ADCY5: variants seen among roughly 807,000 people sequenced by gnomAD.
The protein encoded by ADCY5 is adenylate cyclase type 5.
ADCY5 carries 30 observed loss-of-function variants against 119.7 expected under a neutral mutation model. The observed-to-expected ratio is 0.25, with a 90% CI of 0.19 to 0.34. ADCY5 has a LOEUF of 0.34. Among genes scored for constraint, ADCY5 ranks in the 10% least tolerant of loss-of-function variants. The pLI, the probability that ADCY5 is intolerant of heterozygous loss-of-function variation, is 1.00. For missense variants in ADCY5, 1,324 were observed against 1,775.2 expected, an observed-to-expected ratio of 0.75 and a Z score of 4.57; for synonymous variants, 753 against 762.2, an observed-to-expected ratio of 0.99 and a Z score of 0.20.
rs1367006643 is a variant in ADCY5, at chr3:123,410,946, T to A, written c.1134+36466A>T. The stretch of plus-strand genomic sequence containing the variant: ...TACAGACGTGAGCCATCTCACCCCA[T>A]CCTTATTCAAACTACTTAAATAGCT... On this transcript the variant is annotated intron_variant, in intron 1 of 20. Transcript: ENST00000462833. 2.0e-5 allele frequency among the ~76,000 whole-genome samples: 3 copies of A among 152,072 alleles called. No homozygotes were observed. The East Asian group carries it at 5.8e-4, about 29-fold the overall frequency.
At chr3:123,368,019 GC>G (rs1264012396) in intron 1 of ADCY5, 1 of 1,490,814 alleles carries the variant, frequency 6.7e-7, no homozygotes, top group Non-Finnish European at 8.9e-7. Flanking sequence ...GGGCACCTCA[GC>G]AGGGATCCAG....
chr3:123,426,299 G>GGTTT (rs1553748961), intron 1 of ADCY5, among the ~76,000 whole-genome samples: 1 of 97,950 alleles, frequency 1.0e-5, no homozygotes, highest in African/African-American at 3.4e-5. Context: ...TTTCTTTTGT[G>GGTTT]TTTTTTTTTT....
intron 1 of ADCY5, among the ~76,000 whole-genome samples, chr3:123,381,720 T>C (rs2107559498): frequency 6.6e-6 from 1 of 152,382 alleles, no homozygotes; most frequent in Middle Eastern, 3.4e-3. Context: ...CATCTCCCGC[T>C]GGCTTCCATC....
intron 1 of ADCY5, among the ~76,000 whole-genome samples, chr3:123,420,697 T>C (rs921453046): frequency 2.0e-4 from 30 of 152,332 alleles, no homozygotes; most frequent in African/African-American, 7.2e-4. Flanking sequence ...TGAGGGGCAG[T>C]GGCCACACCA....
chr3:123,346,626 TC>T (rs1942574710), intron 3 of ADCY5, among the ~76,000 whole-genome samples: 9 of 150,730 alleles, frequency 6.0e-5, no homozygotes, highest in Non-Finnish European at 1.2e-4. Flanking sequence ...TCTCTCTCTC[TC>T]TCTCTCTCTC....
At chr3:123,418,160 C>A (rs1014065427) in intron 1 of ADCY5, among the ~76,000 whole-genome samples, 4 of 152,220 alleles carry the variant, frequency 2.6e-5, no homozygotes, top group African/African-American at 9.6e-5. Flanking sequence ...ACAGATCCCA[C>A]CTTACCACCT....
chr3:123,353,861 TG>T (rs1330844922), intron 1 of ADCY5, among the ~76,000 whole-genome samples: 1 of 152,224 alleles, frequency 6.6e-6, no homozygotes, highest in African/African-American at 2.4e-5. Context: ...TTGCTGAATG[TG>T]GTACCATCTT....
chr3:123,318,085 G>A lies in ADCY5; in HGVS notation c.2289C>T (p.Ala763=). 3.1e-6 allele frequency: 5 copies of A among 1,613,884 alleles called. No homozygotes were observed. Among genetic ancestry groups the A allele is most frequent in the African/African-American group, 1.3e-5 (1 of 75,026 alleles). The change falls in exon 11 of 21, where the codon GCC becomes GCT. Residue 763 remains alanine (A), a synonymous_variant. Transcript: ENST00000462833. The part of the protein sequence containing the change: ...YSKQVDDRFG[A]YVACASLVFL... ...AGACGAGCGAGGCACACGCCACATA[G>A]GCACCAAATCGGTCGTCTACCTGCT...
chr3:123,350,776 C>T (rs1482055757), intron 2 of ADCY5, among the ~76,000 whole-genome samples: 1 of 152,182 alleles, frequency 6.6e-6, no homozygotes, highest in Non-Finnish European at 1.5e-5. Flanking sequence ...GGTGGAATGC[C>T]CAGACTGGCC....
chr3:123,284,617 C>CG lies in ADCY5; in HGVS notation c.3776dup (p.Leu1260AlafsTer87), dbSNP rs1559773511. ...CATTGGCCAACAGCTGCTAACTGAGCGGGGGCCCTCCATTGAGGAAGTAGG... is the reference window on the plus strand; with the variant it reads ...CATTGGCCAACAGCTGCTAACTGAGCGGGGGGCCCTCCATTGAGGAAGTAGG... On this transcript the variant is annotated frameshift_variant, in exon 21 of 21. Transcript: ENST00000462833. LOFTEE classifies it high-confidence loss of function. The CG allele has an allele frequency of 5.6e-6, 9 of 1,614,092 alleles. No homozygotes were observed. Among genetic ancestry groups the CG allele is most frequent in the African/African-American group, 2.7e-5 (2 of 74,948 alleles).
At chr3:123,362,940 G>A (rs535283869) in intron 1 of ADCY5, among the ~76,000 whole-genome samples, 6 of 151,696 alleles carry the variant, frequency 4.0e-5, no homozygotes, top group African/African-American at 9.7e-5. Context: ...TCAGGAGTTC[G>A]AGACCAGCCT....
Position 123,448,020 on chromosome 3 carries a change from C to A in ADCY5, c.526G>T (p.Gly176Cys). Reference protein sequence around the residue: ...KGRAADELEAGAVEGGEGSGD... With the variant: ...KGRAADELEACAVEGGEGSGD... ...GACCCCTCGCCGCCCTCGACGGCGC[C>A]GGCCTCCAGCTCGTCGGCCGCGCGC... The change falls in exon 1 of 21, where the codon GGC (glycine) becomes TGC (cysteine). Residue 176 changes from glycine (G) to cysteine (C), a missense_variant. Coordinates refer to ENST00000462833, the MANE Select transcript of ADCY5 (RefSeq NM_183357.3). 7.9e-7 allele frequency: 1 copy of A among 1,270,998 alleles called. No homozygotes were observed. The highest frequency in any genetic ancestry group is 1.6e-5 in the African/African-American group (1 of 63,912). The allele number at this position is 1,270,998 out of a possible 1,614,324, so 78.7% of individuals were successfully genotyped here.
chr3:123,430,209 A>C (rs532683740), intron 1 of ADCY5, among the ~76,000 whole-genome samples: 2 of 152,326 alleles, frequency 1.3e-5, no homozygotes, highest in South Asian at 4.1e-4. Flanking sequence ...TCCCAGACTG[A>C]GGGTGATTTC....
chr3:123,355,279 C>A (rs951066573), intron 1 of ADCY5, among the ~76,000 whole-genome samples: 1 of 152,148 alleles, frequency 6.6e-6, no homozygotes, highest in Non-Finnish European at 1.5e-5. Flanking sequence ...GATCAATATA[C>A]AAAAAGCAAC....
Position 123,368,023 on chromosome 3 carries a change from G to A in ADCY5, c.1135-15442C>T, listed in dbSNP as rs1943510476. Reference sequence around the variant, plus strand: ...GAGGGGACCATGGGCACCTCAGCAGGGATCCAGGGGCCCCAGAGATTGCCT... The same window carrying A: ...GAGGGGACCATGGGCACCTCAGCAGAGATCCAGGGGCCCCAGAGATTGCCT... On this transcript the variant is annotated intron_variant, in intron 1 of 20. Transcript: ENST00000462833. 4.0e-5 allele frequency: 60 copies of A among 1,482,478 alleles called. No individual in the cohort carries two copies. The South Asian group carries it at 7.7e-4, about 19-fold the overall frequency. The allele number at this position is 1,482,478 out of a possible 1,614,324, so 91.8% of individuals were successfully genotyped here. A position where few individuals can be genotyped will look rare whatever the true frequency, so the allele number is the denominator to read the frequency against.
chr3:123,307,529 G>C (rs138293194), intron 12 of ADCY5, among the ~76,000 whole-genome samples: 27 of 152,262 alleles, frequency 1.8e-4, no homozygotes, highest in African/African-American at 6.3e-4. Context: ...GGAATTTTTG[G>C]TTTCACAGCT....
At position 123,448,005 on chromosome 3, in the gene ADCY5, C is replaced by T. The variant is rs1945858601; in HGVS notation, c.541G>A (p.Gly181Ser). ...CTGCCGCCATCCCCGGACCCCTCGC[C>T]GCCCTCGACGGCGCCGGCCTCCAGC... is the stretch of plus-strand genomic sequence containing the variant. ...DELEAGAVEG[G>S]EGSGDGGSSA... is the part of the protein sequence containing the mutation. The change falls in exon 1 of 21, where the codon GGC (glycine) becomes AGC (serine). Residue 181 changes from glycine (G) to serine (S), a missense_variant. Gly to Ser is a moderately conservative substitution (Grantham distance 56, BLOSUM62 0). Around this residue, in one of 6 missense-constraint regions of ADCY5, gnomAD observed 585 missense variants for 569.9 expected, o/e 1.03. Transcript: ENST00000462833. 1.5e-6 allele frequency: 2 copies of T among 1,292,702 alleles called. No homozygotes were observed. The highest frequency in any genetic ancestry group is 4.1e-5 in the Admixed American group (1 of 24,108). The allele number at this position is 1,292,702 out of a possible 1,614,324, so 80.1% of individuals were successfully genotyped here.
intron 1 of ADCY5, among the ~76,000 whole-genome samples, chr3:123,398,327 G>A (rs137947548): frequency 7.9e-5 from 12 of 152,214 alleles, no homozygotes; most frequent in South Asian, 2.1e-4. Flanking sequence ...GCCCCAACTC[G>A]AACCGGTCAC....
chr3:123,396,185 A>AGG, intron 1 of ADCY5, among the ~76,000 whole-genome samples: 1 of 142,442 alleles, frequency 7.0e-6, no homozygotes, highest in East Asian at 2.4e-4. Context: ...GGAGGGAGGG[A>AGG]AGAAGGAAGG....
Sources: allele counts gnomAD v4.1 joint callset (sites outside exome capture counted in the v4.1 genomes callset), GRCh38; gene constraint gnomAD v4.1.1; regional missense constraint gnomAD v4.1.1; transcripts MANE v1.5; gene names NCBI Gene and HGNC (gene_info 2026-07-23, HGNC 2026-07-21).